The following EVC2 variants were observed in gnomAD, a reference collection of about 807,000 sequenced individuals.
The protein encoded by EVC2 is EvC ciliary complex subunit 2.
A neutral mutation model predicts 149.3 loss-of-function variants in EVC2; 148 were observed. The observed-to-expected ratio is 0.99, with a 90% CI of 0.87 to 1.14. The LOEUF is 1.14. EVC2 is among the 50% of genes most tolerant of loss of function. The pLI is 0.00. For missense variants in EVC2, 1,854 were observed against 1,627.3 expected (o/e 1.14, Z -2.40); for synonymous variants, 776 against 649.9 (o/e 1.19, Z -2.95).
At chr4:5,571,614 G>A (rs1311586042) in intron 19 of EVC2, among the ~76,000 whole-genome samples, 1 of 152,110 alleles carries the variant, frequency 6.6e-6, no homozygotes, top group Non-Finnish European at 1.5e-5. Context: ...GAGGAGTAAG[G>A]ACAAAGAGAG....
intron 9 of EVC2, among the ~76,000 whole-genome samples, chr4:5,644,432 G>A (rs959578103): frequency 1.1e-3 from 172 of 152,132 alleles, no homozygotes; most frequent in Non-Finnish European, 1.4e-3. Flanking sequence ...AGCCTCCCGA[G>A]TAGCTGGGAC....
rs1722370395 is a variant in EVC2 at position 5,567,628 on chromosome 4, C to A, written c.3557+816G>T. Among the ~76,000 whole-genome samples, 1 of 152,078 alleles carries A rather than the reference C, an allele frequency of 6.6e-6. No homozygotes were observed. The highest frequency in any genetic ancestry group is 6.5e-5 in the Admixed American group (1 of 15,268). On this transcript the variant is annotated intron_variant, in intron 20 of 21. Coordinates refer to ENST00000344408, the MANE Select transcript of EVC2 (RefSeq NM_147127.5). The surrounding 1 kb of genome is among the most constrained non-coding windows in gnomAD (Gnocchi z 4.4). ...CCGCCTTACTCCACACCCCTTCCTG[C>A]CTTTCCCCATAAAAAGCCTTTAATG...
At chr4:5,649,207 T>G (rs1440334316) in intron 9 of EVC2, among the ~76,000 whole-genome samples, 4 of 152,176 alleles carry the variant, frequency 2.6e-5, no homozygotes, top group Non-Finnish European at 5.9e-5. Context: ...CAGGAACATT[T>G]GTTTTTTTGA....
At position 5,595,748 on chromosome 4, in the gene EVC2, A is replaced by G. The variant is rs530766823; in HGVS notation, c.2830-10898T>C. 7.7e-3 allele frequency among the ~76,000 whole-genome samples: 1,167 copies of G among 152,190 alleles called. 11 individuals are homozygous for G. Among genetic ancestry groups the G allele is most frequent in the African/African-American group, 0.026 (1,073 of 41,508 alleles). On this transcript the variant is annotated intron_variant, in intron 16 of 21. Coordinates refer to ENST00000344408, the MANE Select transcript of EVC2 (RefSeq NM_147127.5). ...AACTTTAAATGTAAATGGACTAAAT[A>G]CTCCAATTAAAAGACACAGACTGGC...
Position 5,686,096 on chromosome 4 carries a change from ACACACACAC to A in EVC2, c.707-626_707-618del, listed in dbSNP as rs1720691034. 1.8e-5 allele frequency among the ~76,000 whole-genome samples: 1 copy of A among 54,482 alleles called. No homozygotes were observed. Among genetic ancestry groups the A allele is most frequent in the African/African-American group, 1.2e-4 (1 of 8,286 alleles). The allele number at this position is 54,482 out of a possible 152,430, so 35.7% of individuals were successfully genotyped here. On this transcript the variant is annotated intron_variant, in intron 5 of 21. Transcript: ENST00000344408. This position sits in a 1 kb window ranked among gnomAD's most constrained non-coding sequence, Gnocchi z 5.4. ...ACATATATACACACACATATATATT[ACACACACAC>A]ACACACACACACACACACACACAGA...
rs144686573 is a variant in EVC2 at position 5,627,225 on chromosome 4, G to A, written c.1887-1317C>T. On this transcript the variant is annotated intron_variant, in intron 12 of 21. Coordinates refer to ENST00000344408, the MANE Select transcript of EVC2 (RefSeq NM_147127.5). Reference sequence around the variant, plus strand: ...GGAGGTTCCTTGAAGGAAGGAACAGGTGAAGGAATCAGTAGTAGATACATG... The same window carrying A: ...GGAGGTTCCTTGAAGGAAGGAACAGATGAAGGAATCAGTAGTAGATACATG... Among the ~76,000 whole-genome samples, 91 of 152,300 alleles carry A rather than the reference G, an allele frequency of 6.0e-4. 2 individuals carry two copies. In the East Asian group the frequency reaches 0.017, roughly 28 times the overall value.
At chr4:5,574,924 T>G (rs1722830583) in intron 18 of EVC2, 152 bp from the exon 19 acceptor site, 1 of 844,270 alleles carries the variant, frequency 1.2e-6, no homozygotes, top group African/African-American at 1.7e-5. Context: ...AAGACTGCCT[T>G]CCTTTTCTTG....
chr4:5,612,176 T>C (rs963123315), intron 16 of EVC2, among the ~76,000 whole-genome samples: 6 of 152,230 alleles, frequency 3.9e-5, no homozygotes, highest in Non-Finnish European at 7.3e-5. Context: ...GTAGAAAATG[T>C]TGTAATCCTG....
rs1160707332 is a variant in EVC2, at chr4:5,681,320, A to C, written c.817-7T>G. The stretch of plus-strand genomic sequence containing the variant: ...CTTTCAGCTGTGTTCTGTTCTAGAA[A>C]AGGAAAAAAGAAAACACTTTCAGCA... On this transcript the variant is annotated splice_region_variant and splice_polypyrimidine_tract_variant and intron_variant, in intron 6 of 21. Coordinates refer to ENST00000344408, the MANE Select transcript of EVC2 (RefSeq NM_147127.5). The C allele has an allele frequency of 6.2e-7, 1 of 1,614,120 alleles. No individual in the cohort carries two copies. Among genetic ancestry groups the C allele is most frequent in the Non-Finnish European group, 8.5e-7 (1 of 1,180,044 alleles).
chr4:5,635,624 C>T (rs917021728), intron 10 of EVC2, among the ~76,000 whole-genome samples: 3 of 152,302 alleles, frequency 2.0e-5, no homozygotes, highest in African/African-American at 4.8e-5. Context: ...TCGAAAGTGA[C>T]GACTGTGCTG....
At position 5,696,977 on chromosome 4, in the gene EVC2, C is replaced by T. The variant is rs144689477; in HGVS notation, c.283+616G>A. On this transcript the variant is annotated intron_variant, in intron 2 of 21. Coordinates refer to ENST00000344408, the MANE Select transcript of EVC2 (RefSeq NM_147127.5). The surrounding 1 kb of genome is among the most constrained non-coding windows in gnomAD (Gnocchi z 4.1). ...GGGCCCTAAATGTCATCACAGATGT[C>T]CTTATAAGAGGGAGACAGAGATTTG... 6.6e-6 allele frequency among the ~76,000 whole-genome samples: 1 copy of T among 152,228 alleles called. No individual in the cohort carries two copies. The highest frequency in any genetic ancestry group is 1.9e-4 in the East Asian group (1 of 5,182).
At chr4:5,707,420 GCCAGA>G (rs1231635481) in intron 1 of EVC2, among the ~76,000 whole-genome samples, 4 of 152,218 alleles carry the variant, frequency 2.6e-5, no homozygotes, top group Non-Finnish European at 1.5e-5. Flanking sequence ...GCATCAATGG[GCCAGA>G]CCATTGGCCA....
intron 16 of EVC2, among the ~76,000 whole-genome samples, chr4:5,585,748 C>CAA (rs1712224915): frequency 6.6e-6 from 1 of 152,198 alleles, no homozygotes; most frequent in Non-Finnish European, 1.5e-5. Flanking sequence ...CCCCTGCCCC[C>CAA]CACTTAGCAA....
downstream of EVC2, among the ~76,000 whole-genome samples, chr4:5,539,335 T>C (rs1721472209): frequency 6.6e-6 from 1 of 151,200 alleles, no homozygotes; most frequent in Non-Finnish European, 1.5e-5. Context: ...GAAGACACAA[T>C]ATTTGTTAAG....
At chr4:5,706,303 T>C (rs1248714064) in intron 1 of EVC2, among the ~76,000 whole-genome samples, 1 of 149,570 alleles carries the variant, frequency 6.7e-6, no homozygotes, top group Non-Finnish European at 1.5e-5. Context: ...TATAGATAGA[T>C]ACATAGATAG....
In EVC2 at chr4:5,639,712, G is replaced by A. The variant is rs112529787; in HGVS notation, c.1470+802C>T. ...CCTAACAGGCTATATAGTCCAGAGG[G>A]GGACACGTGGACTCTGACATCACAA... On this transcript the variant is annotated intron_variant, in intron 10 of 21. Transcript: ENST00000344408. Among the ~76,000 whole-genome samples the A allele has an allele frequency of 8.4e-3, 1,272 of 152,276 alleles. 12 individuals are homozygous for A. Among genetic ancestry groups the A allele is most frequent in the South Asian group, 0.015 (73 of 4,824 alleles).
chr4:5,659,091 C>A (rs1448635782), intron 9 of EVC2, among the ~76,000 whole-genome samples: 1 of 152,166 alleles, frequency 6.6e-6, no homozygotes, highest in Admixed American at 6.5e-5. Flanking sequence ...CCACCACGCA[C>A]ACCTCGGAAA....
At chr4:5,601,609 A>T (rs1003059976) in intron 16 of EVC2, among the ~76,000 whole-genome samples, 4 of 152,188 alleles carry the variant, frequency 2.6e-5, no homozygotes, top group African/African-American at 9.6e-5. Context: ...TGTAATCATT[A>T]ATAAAATTCA....
At chr4:5,632,055 G>C in intron 10 of EVC2, 23 bp from the exon 11 acceptor site, 1 of 1,613,020 alleles carries the variant, frequency 6.2e-7, no homozygotes, top group Non-Finnish European at 8.5e-7. Flanking sequence ...AAGGGAGAGC[G>C]TGAGAAACTG....
Sources: gnomAD v4.1 joint callset for allele counts (sites outside exome capture counted in the v4.1 genomes callset) on GRCh38, gnomAD v4.1.1 for gene constraint, Gnocchi (gnomAD v3.1) non-coding constraint, MANE v1.5 for transcripts, NCBI Gene and HGNC (gene_info 2026-07-23, HGNC 2026-07-21) for gene names.